SORCS3: variants seen among roughly 807,000 people sequenced by gnomAD.
The protein encoded by SORCS3 is sortilin related VPS10 domain containing receptor 3.
Under a neutral mutation model 146.3 loss-of-function variants are expected in SORCS3, and 57 were observed. That is an observed-to-expected ratio of 0.39 (90% confidence interval 0.31 to 0.49). SORCS3 has a LOEUF of 0.49. SORCS3 is among the 20% of genes least tolerant of loss of function. SORCS3 has a pLI of 0.92. For missense variants in SORCS3, 1,341 were observed against 1,575.5 expected, an observed-to-expected ratio of 0.85 and a Z score of 2.52; for synonymous variants, 653 against 618.5, an observed-to-expected ratio of 1.06 and a Z score of -0.83.
chr10:105,264,187 G>A lies in SORCS3; in HGVS notation c.*813G>A, dbSNP rs865933989. 1 of 151,708 alleles carries A rather than the reference G, an allele frequency of 6.6e-6. No individual in the cohort carries two copies. Among genetic ancestry groups the A allele is most frequent in the African/African-American group, 2.4e-5 (1 of 41,272 alleles). The allele number at this position is 151,708 out of a possible 1,614,324, so 9.4% of individuals were successfully genotyped here. On this transcript the variant is annotated 3_prime_UTR_variant, in exon 27 of 27. Coordinates refer to ENST00000369701, the MANE Select transcript of SORCS3 (RefSeq NM_014978.3). ...TCTCTGGGGCAATTGATAAAGGAAG[G>A]ACTCTAGTGACATCATAGAACATGG... is the stretch of plus-strand genomic sequence containing the variant.
intron 4 of SORCS3, among the ~76,000 whole-genome samples, chr10:105,006,090 T>C (rs1403108659): frequency 1.3e-5 from 2 of 152,146 alleles, no homozygotes; most frequent in African/African-American, 4.8e-5. Context: ...TACAGGCACA[T>C]GCCATCACAC....
intron 5 of SORCS3, among the ~76,000 whole-genome samples, chr10:105,050,276 G>C (rs142179840): frequency 6.6e-6 from 1 of 152,080 alleles, no homozygotes; most frequent in East Asian, 1.9e-4. Context: ...TGGATTAGTG[G>C]CTTGCTTCTA....
Position 105,189,756 on chromosome 10 carries a change from A to G in SORCS3, c.2010-10243A>G, listed in dbSNP as rs12252266. Among the ~76,000 whole-genome samples the G allele has an allele frequency of 4.7e-3, 722 of 152,248 alleles. 6 individuals carry two copies. The highest frequency in any genetic ancestry group is 0.017 in the African/African-American group (695 of 41,538). On this transcript the variant is annotated intron_variant, in intron 14 of 26. Transcript: ENST00000369701. ...TGAGCAGGCCTTAGTTTCCCCAGCT[A>G]GCATGTGAAAAGGTTGGTCAGAAGC...
At chr10:104,655,646 G>A (rs2015619402) in intron 1 of SORCS3, among the ~76,000 whole-genome samples, 1 of 152,164 alleles carries the variant, frequency 6.6e-6, no homozygotes, top group Non-Finnish European at 1.5e-5. Flanking sequence ...GGGGCTTGGT[G>A]GGAGGTGATT....
chr10:104,668,168 C>T (rs967036113), intron 1 of SORCS3, among the ~76,000 whole-genome samples: 21 of 152,218 alleles, frequency 1.4e-4, no homozygotes, highest in South Asian at 6.2e-4. Context: ...TGTGTGTGCG[C>T]GCATGTGTGT....
intron 1 of SORCS3, among the ~76,000 whole-genome samples, chr10:104,792,210 G>T (rs1423990277): frequency 2.0e-5 from 3 of 152,118 alleles, no homozygotes; most frequent in African/African-American, 7.2e-5. Flanking sequence ...TCAAAACTCA[G>T]GGCCTGGGAA....
At chr10:105,162,037 G>A (rs2056269274) in intron 11 of SORCS3, among the ~76,000 whole-genome samples, 1 of 152,180 alleles carries the variant, frequency 6.6e-6, no homozygotes, top group Non-Finnish European at 1.5e-5. Flanking sequence ...CTTGTATACT[G>A]TCAGCTTCCT....
chr10:104,794,616 AGG>A lies in SORCS3; in HGVS notation c.628-48174_628-48173del, dbSNP rs758146694. ...GTGTGTGTGTGTGTGAGAGAGAGAGAGGGAGGGAGAGAGAGAGAGAGAGAGAG... is the reference window on the plus strand; with the variant it reads ...GTGTGTGTGTGTGTGAGAGAGAGAGAGAGGGAGAGAGAGAGAGAGAGAGAG... On this transcript the variant is annotated intron_variant, in intron 1 of 26. Coordinates refer to ENST00000369701, the MANE Select transcript of SORCS3 (RefSeq NM_014978.3). Among the ~76,000 whole-genome samples, 377 of 76,938 alleles carry A rather than the reference AGG, an allele frequency of 4.9e-3. 3 individuals carry two copies. Among genetic ancestry groups the A allele is most frequent in the African/African-American group, 0.021 (304 of 14,668 alleles). 50.5% of individuals were successfully genotyped at this position (76,938 alleles called of 152,430 possible).
intron 2 of SORCS3, among the ~76,000 whole-genome samples, chr10:104,889,739 G>C (rs1290987892): frequency 6.6e-6 from 1 of 151,894 alleles, no homozygotes; most frequent in African/African-American, 2.4e-5. Flanking sequence ...GTTTATTCTT[G>C]AAAGATATTT....
chr10:104,737,959 G>A (rs1048128487), intron 1 of SORCS3, among the ~76,000 whole-genome samples: 1 of 150,916 alleles, frequency 6.6e-6, no homozygotes, highest in Non-Finnish European at 1.5e-5. Context: ...TGTATAAGGT[G>A]TAAGGAAGGG....
intron 1 of SORCS3, among the ~76,000 whole-genome samples, chr10:104,799,244 C>T (rs985689949): frequency 2.6e-5 from 4 of 152,138 alleles, no homozygotes; most frequent in Non-Finnish European, 4.4e-5. Context: ...CACATACACA[C>T]GTATGTTTAT....
chr10:105,177,997 GA>G (rs2056418319), intron 13 of SORCS3, 68 bp from the exon 14 acceptor site: 2 of 1,223,382 alleles, frequency 1.6e-6, no homozygotes, highest in Non-Finnish European at 2.4e-6. Flanking sequence ...TTAATAACCT[GA>G]AAAACGGTTA....
In SORCS3 at chr10:105,199,987, C is replaced by G. The variant is rs1222981767; in HGVS notation, c.2010-12C>G. On this transcript the variant is annotated splice_polypyrimidine_tract_variant and intron_variant, in intron 14 of 26. Transcript: ENST00000369701. Reference sequence around the variant, plus strand: ...TCCCCTTGTGTCTCCCACTCCTCCCCTAAACACTTAGAGTTTTTGGCCACT... The same window carrying G: ...TCCCCTTGTGTCTCCCACTCCTCCCGTAAACACTTAGAGTTTTTGGCCACT... The G allele has an allele frequency of 1.9e-6, 3 of 1,608,538 alleles. No homozygotes were observed. The highest frequency in any genetic ancestry group is 2.6e-6 in the Non-Finnish European group (3 of 1,175,326).
At chr10:104,933,595 A>C (rs1287738179) in intron 3 of SORCS3, among the ~76,000 whole-genome samples, 1 of 152,190 alleles carries the variant, frequency 6.6e-6, no homozygotes, top group Non-Finnish European at 1.5e-5. Context: ...AAAGAGGTGC[A>C]TTGATGGAAG....
At chr10:104,977,279 A>G in intron 3 of SORCS3, 56 bp from the exon 4 acceptor site, 1 of 1,376,434 alleles carries the variant, frequency 7.3e-7, no homozygotes, top group South Asian at 1.5e-5. Flanking sequence ...TAAAGTTATT[A>G]TATTTATTAT....
chr10:104,785,211 G>A (rs969298116), intron 1 of SORCS3, among the ~76,000 whole-genome samples: 4 of 150,742 alleles, frequency 2.7e-5, no homozygotes, highest in Non-Finnish European at 5.9e-5. Context: ...GTAGACATGG[G>A]AGACTTTTCA....
At chr10:105,209,816 G>T (rs2056623514) in intron 16 of SORCS3, among the ~76,000 whole-genome samples, 1 of 152,208 alleles carries the variant, frequency 6.6e-6, no homozygotes, top group African/African-American at 2.4e-5. Context: ...TAAGAAGGTG[G>T]GGTGGGGTCA....
At chr10:104,721,301 A>T (rs2016544753) in intron 1 of SORCS3, among the ~76,000 whole-genome samples, 1 of 152,080 alleles carries the variant, frequency 6.6e-6, no homozygotes, top group Admixed American at 6.5e-5. Context: ...ATGCAGCATT[A>T]TTTCTGAGGG....
chr10:105,060,203 G>A (rs573182656), intron 5 of SORCS3, among the ~76,000 whole-genome samples: 34 of 152,248 alleles, frequency 2.2e-4, no homozygotes, highest in African/African-American at 7.9e-4. Context: ...CGTGCTTGTG[G>A]ATCCTCTGGC....
Sources: allele counts gnomAD v4.1 joint callset (sites outside exome capture counted in the v4.1 genomes callset), GRCh38; gene constraint gnomAD v4.1.1; transcripts MANE v1.5; gene names NCBI Gene and HGNC (gene_info 2026-07-23, HGNC 2026-07-21).